PACC1: variants seen among roughly 807,000 people sequenced by gnomAD.
PACC1 encodes proton-activated chloride channel.
In PACC1, 34 loss-of-function variants were observed where a neutral mutation model predicts 39.7. The observed-to-expected ratio is 0.86, with a 90% CI of 0.65 to 1.14. PACC1 has a LOEUF of 1.14. Ranked by LOEUF, PACC1 falls within the 50% of genes most tolerant of loss-of-function variation. The pLI is 0.00. For synonymous variants in PACC1, 127 were observed against 160.6 expected, an observed-to-expected ratio of 0.79 and a Z score of 1.58; for missense variants, 379 against 436.4, an observed-to-expected ratio of 0.87 and a Z score of 1.17.
chr1:212,367,367 GA>G (rs1302780142), intron 7 of PACC1, among the ~76,000 whole-genome samples: 1 of 152,154 alleles, frequency 6.6e-6, no homozygotes, highest in East Asian at 1.9e-4. Flanking sequence ...TTGGGAGAGG[GA>G]AGTGAGTCTG....
chr1:212,412,456 C>T (rs955693240), intron 1 of PACC1, among the ~76,000 whole-genome samples: 4 of 152,190 alleles, frequency 2.6e-5, no homozygotes, highest in African/African-American at 9.7e-5. Flanking sequence ...GAAAAATCCC[C>T]CCTCAGCAAA....
intron 7 of PACC1, among the ~76,000 whole-genome samples, chr1:212,374,381 A>G (rs954253135): frequency 6.6e-6 from 1 of 152,192 alleles, no homozygotes; most frequent in Non-Finnish European, 1.5e-5. Context: ...TCATGGAGGT[A>G]GCGAGTAAAA....
chr1:212,399,207 A>C (rs992518646), intron 2 of PACC1, among the ~76,000 whole-genome samples: 1 of 152,228 alleles, frequency 6.6e-6, no homozygotes, highest in Non-Finnish European at 1.5e-5. Context: ...GATTTGTTGC[A>C]TAACATCTGA....
intron 4 of PACC1, among the ~76,000 whole-genome samples, chr1:212,385,055 T>A (rs792448): frequency 0.26 from 39,319 of 152,178 alleles, 5,513 homozygotes; most frequent in Non-Finnish European, 0.33. Context: ...TCCCTGAGCA[T>A]TACTCAGCAA....
chr1:212,393,835 A>G (rs911162993), intron 2 of PACC1, among the ~76,000 whole-genome samples: 1 of 152,198 alleles, frequency 6.6e-6, no homozygotes, highest in African/African-American at 2.4e-5. Flanking sequence ...TAGAAAATCT[A>G]GAAGAAATGG....
At chr1:212,387,200 T>C (rs1219072431) in intron 2 of PACC1, 100 bp from the exon 3 acceptor site, 22 of 1,165,048 alleles carry the variant, frequency 1.9e-5, no homozygotes, top group Non-Finnish European at 2.5e-5. Context: ...ACCAAGGAGG[T>C]GAAGTCACCT....
intron 2 of PACC1, among the ~76,000 whole-genome samples, chr1:212,392,458 G>A (rs1463030553): frequency 2.0e-5 from 3 of 152,140 alleles, no homozygotes; most frequent in Non-Finnish European, 2.9e-5. Context: ...ACATGGAAAC[G>A]AACAACTGGT....
At chr1:212,394,787 C>T (rs1408927090) in intron 2 of PACC1, among the ~76,000 whole-genome samples, 1 of 152,106 alleles carries the variant, frequency 6.6e-6, no homozygotes, top group East Asian at 1.9e-4. Flanking sequence ...TCTTATACAC[C>T]AACAACAGAC....
At chr1:212,413,964 A>C in intron 1 of PACC1, 1 of 1,535,824 alleles carries the variant, frequency 6.5e-7, no homozygotes, top group Non-Finnish European at 8.7e-7. Context: ...ACGGTTGCCA[A>C]AGATGACCAA....
chr1:212,380,840 T>G (rs919104985), intron 4 of PACC1, among the ~76,000 whole-genome samples: 1 of 152,244 alleles, frequency 6.6e-6, no homozygotes, highest in Non-Finnish European at 1.5e-5. Flanking sequence ...TGGTTATTTT[T>G]GAACGTGTTC....
At chr1:212,393,534 A>G (rs574291790) in intron 2 of PACC1, among the ~76,000 whole-genome samples, 2 of 152,358 alleles carry the variant, frequency 1.3e-5, no homozygotes, top group East Asian at 3.9e-4. Context: ...GAACTAGAGA[A>G]GCAAGAGCAA....
chr1:212,392,988 G>C (rs1661381699), intron 2 of PACC1, among the ~76,000 whole-genome samples: 1 of 151,988 alleles, frequency 6.6e-6, no homozygotes, highest in Non-Finnish European at 1.5e-5. Flanking sequence ...ATAATAATGG[G>C]AGACTTTAAC....
intron 1 of PACC1, among the ~76,000 whole-genome samples, chr1:212,411,479 C>T (rs1299219341): frequency 6.6e-6 from 1 of 152,092 alleles, no homozygotes; most frequent in African/African-American, 2.4e-5. Context: ...AGTGGTCTCA[C>T]CTGTCAAATG....
chr1:212,372,376 G>A (rs1660494929), intron 7 of PACC1, among the ~76,000 whole-genome samples: 1 of 151,284 alleles, frequency 6.6e-6, no homozygotes, highest in African/African-American at 2.4e-5. Context: ...GGCCATACAT[G>A]ACAAACCCAC....
At chr1:212,388,577 G>T (rs535023222) in intron 2 of PACC1, among the ~76,000 whole-genome samples, 15 of 152,292 alleles carry the variant, frequency 9.8e-5, no homozygotes, top group Admixed American at 6.5e-4. Context: ...CTTATAAGAG[G>T]AGGAGACACT....
chr1:212,414,807 C>G lies in PACC1; in HGVS notation c.-50G>C, dbSNP rs1662273913. 1.2e-6 allele frequency: 2 copies of G among 1,607,014 alleles called. No homozygotes were observed. Among genetic ancestry groups the G allele is most frequent in the Non-Finnish European group, 1.7e-6 (2 of 1,174,558 alleles). On this transcript the variant is annotated 5_prime_UTR_variant, in exon 1 of 8. Transcript: ENST00000261455. ...CCTGAGACCGCCCCAGCCCGCGGCG[C>G]ACGGACGCAGCACTGCGGCCGCTGC...
intron 6 of PACC1, among the ~76,000 whole-genome samples, chr1:212,377,298 G>T (rs1479022735): frequency 1.3e-5 from 2 of 152,186 alleles, no homozygotes; most frequent in Admixed American, 6.5e-5. Flanking sequence ...GCGAGTTACT[G>T]ACCTCTCTGC....
chr1:212,390,586 C>A (rs968520591), intron 2 of PACC1, among the ~76,000 whole-genome samples: 1 of 151,828 alleles, frequency 6.6e-6, no homozygotes, highest in South Asian at 2.1e-4. Context: ...GCTTGTCATA[C>A]AGTGGGTGCA....
chr1:212,368,901 G>A (rs952270338), intron 7 of PACC1, among the ~76,000 whole-genome samples: 3 of 151,942 alleles, frequency 2.0e-5, no homozygotes, highest in Middle Eastern at 3.4e-3. Context: ...GCGTGGTGGC[G>A]GGTGCCTGCA....
Sources: allele counts gnomAD v4.1 joint callset (sites outside exome capture counted in the v4.1 genomes callset), GRCh38; gene constraint gnomAD v4.1.1; transcripts MANE v1.5; gene names NCBI Gene and HGNC (gene_info 2026-07-23, HGNC 2026-07-21).